The following CDC14A variants were observed in gnomAD, a reference collection of about 807,000 sequenced individuals.
The protein encoded by CDC14A is cell division cycle 14A, also known as dual specificity protein phosphatase CDC14A.
A neutral mutation model predicts 74.4 loss-of-function variants in CDC14A; 53 were observed. That is an observed-to-expected ratio of 0.71 (90% confidence interval 0.57 to 0.89). The LOEUF is 0.89. Ranked by LOEUF, CDC14A falls within the 40% of genes least tolerant of loss-of-function variation. CDC14A has a pLI of 0.00. For missense variants in CDC14A, 646 were observed against 713.7 expected (o/e 0.91, Z 1.08); for synonymous variants, 247 against 258.4 (o/e 0.96, Z 0.43).
Position 100,462,816 on chromosome 1 carries a change from A to G in CDC14A, c.773A>G (p.Asn258Ser), listed in dbSNP as rs1209571908. 6.2e-7 allele frequency: 1 copy of G among 1,614,122 alleles called. No homozygotes were observed. The highest frequency in any genetic ancestry group is 8.5e-7 in the Non-Finnish European group (1 of 1,180,004). The change falls in exon 9 of 16, where the codon AAC becomes AGC. Residue 258 changes from asparagine (N) to serine (S), a missense_variant. Coordinates refer to ENST00000336454, the MANE Select transcript of CDC14A (RefSeq NM_003672.4). Reference sequence around the variant, plus strand: ...ATAGATGGCAGCACACCCAGTGACAACATCGTGCGAAGGTTCCTGAACATC... The same window carrying G: ...ATAGATGGCAGCACACCCAGTGACAGCATCGTGCGAAGGTTCCTGAACATC... ...FFIDGSTPSD[N>S]IVRRFLNICE...
intron 8 of CDC14A, among the ~76,000 whole-genome samples, chr1:100,459,963 T>A (rs980819055): frequency 2.6e-5 from 4 of 152,116 alleles, no homozygotes; most frequent in Non-Finnish European, 5.9e-5. Context: ...TTATTTGGAG[T>A]CTTAACAGAT....
Position 100,468,097 on chromosome 1 carries a change from A to G in CDC14A, c.977+3A>G. ...CCCCAGCAGCACTTCCTGGAAGAGTAAGTATATTGTCCCCATTACCACATT... is the reference window on the plus strand; with the variant it reads ...CCCCAGCAGCACTTCCTGGAAGAGTGAGTATATTGTCCCCATTACCACATT... On this transcript the variant is annotated splice_donor_region_variant and intron_variant, in intron 10 of 15. Transcript: ENST00000336454. 1 of 1,613,720 alleles carries G rather than the reference A, an allele frequency of 6.2e-7. No individual in the cohort carries two copies. Among genetic ancestry groups the G allele is most frequent in the South Asian group, 1.1e-5 (1 of 91,002 alleles).
intron 5 of CDC14A, among the ~76,000 whole-genome samples, chr1:100,425,646 A>T (rs1662868344): frequency 6.6e-6 from 1 of 152,228 alleles, no homozygotes; most frequent in Admixed American, 6.5e-5. Context: ...TGAGGGGAAA[A>T]TATTCTGAAT....
At chr1:100,389,543 A>T (rs983482853) in intron 3 of CDC14A, among the ~76,000 whole-genome samples, 1 of 151,818 alleles carries the variant, frequency 6.6e-6, no homozygotes, top group Non-Finnish European at 1.5e-5. Context: ...TTCCTGGCTC[A>T]TTGGAGGGAT....
chr1:100,432,055 C>A (rs371942648), intron 5 of CDC14A, among the ~76,000 whole-genome samples: 1 of 152,094 alleles, frequency 6.6e-6, no homozygotes, highest in African/African-American at 2.4e-5. Context: ...AAAATGATTC[C>A]TGTATAGCCT....
At chr1:100,401,252 G>A (rs1659219602) in intron 4 of CDC14A, among the ~76,000 whole-genome samples, 1 of 152,086 alleles carries the variant, frequency 6.6e-6, no homozygotes, top group Admixed American at 6.5e-5. Context: ...TAAGGGAAAG[G>A]ACTTTGTCTT....
At chr1:100,359,078 A>G (rs567148657) in intron 2 of CDC14A, among the ~76,000 whole-genome samples, 3 of 152,340 alleles carry the variant, frequency 2.0e-5, no homozygotes, top group Admixed American at 2.0e-4. Context: ...TTGCTATGAT[A>G]TAGACAGAAG....
chr1:100,516,411 G>A (rs927869874), intron 15 of CDC14A, among the ~76,000 whole-genome samples: 2 of 152,112 alleles, frequency 1.3e-5, no homozygotes, highest in African/African-American at 2.4e-5. Context: ...ATTGATAATT[G>A]ATGGAGCTTG....
chr1:100,448,282 G>GC (rs1432790478), intron 7 of CDC14A, among the ~76,000 whole-genome samples: 1 of 152,110 alleles, frequency 6.6e-6, no homozygotes, highest in Non-Finnish European at 1.5e-5. Flanking sequence ...GCCATTATCT[G>GC]CCCCCTGCCA....
At chr1:100,442,405 A>T (rs1234271621) in intron 6 of CDC14A, among the ~76,000 whole-genome samples, 1 of 147,066 alleles carries the variant, frequency 6.8e-6, no homozygotes, top group African/African-American at 2.5e-5. Context: ...ATAAATATAT[A>T]TATTCTCTCA....
At chr1:100,499,335 A>G in intron 15 of CDC14A, 73 bp downstream of exon 15, 1 of 1,613,968 alleles carries the variant, frequency 6.2e-7, no homozygotes, top group Non-Finnish European at 8.5e-7. Flanking sequence ...TTCCCAGCCG[A>G]GGCTGCCACC....
chr1:100,491,572 A>ATATATATATATTTTTT (rs1418515078), intron 11 of CDC14A, among the ~76,000 whole-genome samples: 1 of 25,100 alleles, frequency 4.0e-5, no homozygotes, highest in African/African-American at 1.6e-4. Flanking sequence ...ATATATATAT[A>ATATATATATATTTTTT]TTTTTTTTTT....
chr1:100,468,222 C>A, intron 10 of CDC14A, 128 bp downstream of exon 10: 1 of 998,896 alleles, frequency 1.0e-6, no homozygotes. Context: ...AAGTGTGTGC[C>A]TCTAATAGAA....
At chr1:100,505,661 C>T (rs1188560909) in intron 15 of CDC14A, among the ~76,000 whole-genome samples, 1 of 152,108 alleles carries the variant, frequency 6.6e-6, no homozygotes, top group African/African-American at 2.4e-5. Context: ...TAGTGTTTCC[C>T]GATATCAACT....
intron 3 of CDC14A, among the ~76,000 whole-genome samples, chr1:100,382,969 A>T (rs946884709): frequency 1.3e-5 from 2 of 152,232 alleles, no homozygotes; most frequent in African/African-American, 4.8e-5. Flanking sequence ...AACTCTTTTG[A>T]TGTAATGACT....
At chr1:100,453,864 A>C (rs1666391641) in intron 7 of CDC14A, among the ~76,000 whole-genome samples, 1 of 151,998 alleles carries the variant, frequency 6.6e-6, no homozygotes, top group African/African-American at 2.4e-5. Flanking sequence ...GTGGTCTTGC[A>C]CTCCTGAGCT....
At position 100,358,080 on chromosome 1, in the gene CDC14A, T is replaced by C. The variant is rs182971589; in HGVS notation, c.140+4228T>C. Among the ~76,000 whole-genome samples the C allele has an allele frequency of 1.8e-3, 267 of 152,318 alleles. 2 individuals carry two copies. Among genetic ancestry groups the C allele is most frequent in the Non-Finnish European group, 1.8e-3 (123 of 68,022 alleles). ...GGCAGCTTTAATAAAATGAGGATGATAAGAAATCATCCTTTGTCCTTGGGT... is the reference window on the plus strand; with the variant it reads ...GGCAGCTTTAATAAAATGAGGATGACAAGAAATCATCCTTTGTCCTTGGGT... On this transcript the variant is annotated intron_variant, in intron 2 of 15. Coordinates refer to ENST00000336454, the MANE Select transcript of CDC14A (RefSeq NM_003672.4).
At chr1:100,419,081 G>A (rs1661923956) in intron 4 of CDC14A, among the ~76,000 whole-genome samples, 1 of 152,208 alleles carries the variant, frequency 6.6e-6, no homozygotes, top group African/African-American at 2.4e-5. Context: ...AGCTACTTGG[G>A]AGGCTGAGGT....
chr1:100,399,644 T>C (rs2101009738), intron 4 of CDC14A, among the ~76,000 whole-genome samples: 1 of 152,324 alleles, frequency 6.6e-6, no homozygotes, highest in East Asian at 1.9e-4. Context: ...GAAAACTTTG[T>C]GTTTTTATAT....
Sources: allele counts gnomAD v4.1 joint callset (sites outside exome capture counted in the v4.1 genomes callset), GRCh38; gene constraint gnomAD v4.1.1; transcripts MANE v1.5; gene names NCBI Gene and HGNC (gene_info 2026-07-23, HGNC 2026-07-21).